APCDD1: variants seen among roughly 807,000 people sequenced by gnomAD.
APCDD1 encodes the protein protein APCDD1.
In APCDD1, 15 loss-of-function variants were observed where a neutral mutation model predicts 38.1. The ratio of observed to expected loss-of-function variants is 0.39; its 90% CI spans 0.26 to 0.61. The LOEUF (loss-of-function observed/expected upper bound fraction) is 0.61. APCDD1 is among the 20% of genes least tolerant of loss of function. The pLI, the probability that APCDD1 is intolerant of heterozygous loss-of-function variation, is 0.49. For missense variants in APCDD1, 647 were observed against 696.2 expected (o/e 0.93, Z 0.79); for synonymous variants, 261 against 279.7 (o/e 0.93, Z 0.67).
chr18:10,482,323 T>C (rs776242589), intron 3 of APCDD1, among the ~76,000 whole-genome samples: 1 of 151,936 alleles, frequency 6.6e-6, no homozygotes, highest in East Asian at 1.9e-4. Flanking sequence ...TTGTGGGGAA[T>C]GGCGCAGAGG....
At chr18:10,461,527 T>C (rs2030540601) in intron 1 of APCDD1, among the ~76,000 whole-genome samples, 1 of 152,286 alleles carries the variant, frequency 6.6e-6, no homozygotes, top group African/African-American at 2.4e-5. Flanking sequence ...ACATTCTCAA[T>C]CAAGAGTGCC....
chr18:10,463,271 T>C (rs970660021), intron 1 of APCDD1, among the ~76,000 whole-genome samples: 1 of 152,150 alleles, frequency 6.6e-6, no homozygotes. Flanking sequence ...TAGAGTCCTC[T>C]ACAACCCTAC....
At chr18:10,473,023 C>G (rs1009058852) in intron 3 of APCDD1, among the ~76,000 whole-genome samples, 2 of 152,260 alleles carry the variant, frequency 1.3e-5, no homozygotes, top group East Asian at 1.9e-4. Flanking sequence ...CCCGGCCGTC[C>G]CCATTGACTT....
At chr18:10,462,254 G>A (rs1184702825) in intron 1 of APCDD1, among the ~76,000 whole-genome samples, 3 of 152,074 alleles carry the variant, frequency 2.0e-5, no homozygotes, top group African/African-American at 4.8e-5. Context: ...TTATTAGTGC[G>A]GTCCTTGAAC....
In APCDD1 at chr18:10,485,665, C is replaced by T. The variant is rs2031234262; in HGVS notation, c.978C>T (p.Tyr326=). 6.2e-7 allele frequency: 1 copy of T among 1,614,104 alleles called. No individual in the cohort carries two copies. Among genetic ancestry groups the T allele is most frequent in the African/African-American group, 1.3e-5 (1 of 74,938 alleles). Residue 326 remains tyrosine (Y), a synonymous_variant, in exon 4 of 5, where the codon TAC becomes TAT. Transcript: ENST00000355285. The surrounding 1 kb of genome is among the most constrained non-coding windows in gnomAD (Gnocchi z 5.8). ...ACAACAACACCTGGGAGGGCCACTA[C>T]TACCACTACTCAGACCCGGTGTGCA... is the stretch of plus-strand genomic sequence containing the variant. ...HDNNNTWEGH[Y]YHYSDPVCKH...
intron 1 of APCDD1, among the ~76,000 whole-genome samples, chr18:10,463,499 T>A (rs1317174157): frequency 6.6e-6 from 1 of 152,242 alleles, no homozygotes; most frequent in Admixed American, 6.5e-5. Flanking sequence ...GGGCACACCA[T>A]GACTGATTCT....
rs780298994 is a variant in APCDD1 at position 10,460,821 on chromosome 18, A to T, written c.58+5782A>T. Among the ~76,000 whole-genome samples the T allele has an allele frequency of 3.7e-4, 56 of 152,162 alleles. 1 individual carries two copies. The highest frequency in any genetic ancestry group is 2.4e-4 in the Non-Finnish European group (16 of 68,034). On this transcript the variant is annotated intron_variant, in intron 1 of 4. Coordinates refer to ENST00000355285, the MANE Select transcript of APCDD1 (RefSeq NM_153000.5). ...TGCTTCCTTAGCACACCATGGGTTT[A>T]GGAATGAGATCTGCTGTGGATGGCT...
Position 10,472,197 on chromosome 18 carries a change from C to A in APCDD1, c.774+136C>A. On this transcript the variant is annotated intron_variant, in intron 3 of 4. Transcript: ENST00000355285. The surrounding 1 kb of genome is among the most constrained non-coding windows in gnomAD (Gnocchi z 6.6). Reference sequence around the variant, plus strand: ...GGCGGGGCAGGCCAAGGTGGGGCTGCTGCGAGGTGGGAGGAGATGGGAAAG... The same window carrying A: ...GGCGGGGCAGGCCAAGGTGGGGCTGATGCGAGGTGGGAGGAGATGGGAAAG... 7.9e-7 allele frequency: 1 copy of A among 1,266,952 alleles called. No homozygotes were observed. The highest frequency in any genetic ancestry group is 1.1e-6 in the Non-Finnish European group (1 of 893,438). 78.5% of individuals were successfully genotyped at this position (1,266,952 alleles called of 1,614,324 possible).
rs764361338 is a variant in APCDD1, at chr18:10,485,767, C to T, written c.1080C>T (p.Thr360=). 30 of 1,612,968 alleles carry T rather than the reference C, an allele frequency of 1.9e-5. No homozygotes were observed. Among genetic ancestry groups the T allele is most frequent in the East Asian group, 2.2e-5 (1 of 44,890 alleles). ...GVLSSRVMGG[T]EFVFKVNHMK... ...TCTCGTCCAGGGTCATGGGAGGCAC[C>T]GAGTTCGTGTTCAAAGGTAGGATTC... is the stretch of plus-strand genomic sequence containing the variant. Residue 360 remains threonine, a synonymous_variant, in exon 4 of 5, where the codon ACC becomes ACT. Transcript: ENST00000355285. The surrounding 1 kb of genome is among the most constrained non-coding windows in gnomAD (Gnocchi z 5.8).
In APCDD1 at chr18:10,454,711, G is replaced by A. The variant is rs2030318343; in HGVS notation, c.-271G>A. On this transcript the variant is annotated 5_prime_UTR_variant, in exon 1 of 5. Transcript: ENST00000355285. ...GCGCACGCGGCGGCCGGGGCGGGACGCGGGGCCGGGCGCGGAGAAGTCGGG... is the reference window on the plus strand; with the variant it reads ...GCGCACGCGGCGGCCGGGGCGGGACACGGGGCCGGGCGCGGAGAAGTCGGG... 1.0e-6 allele frequency: 1 copy of A among 983,284 alleles called. No individual in the cohort carries two copies. Among genetic ancestry groups the A allele is most frequent in the Non-Finnish European group, 1.2e-6 (1 of 829,588 alleles). 60.9% of individuals were successfully genotyped at this position (983,284 alleles called of 1,614,324 possible). A position where few individuals can be genotyped will look rare whatever the true frequency, so the allele number is the denominator to read the frequency against.
rs189788491 is a variant in APCDD1 at position 10,457,283 on chromosome 18, T to C, written c.58+2244T>C. ...AATGGGATATTCTTCCTTTCCCCTT[T>C]CCCCCATGACATCTACTTGATTGAA... On this transcript the variant is annotated intron_variant, in intron 1 of 4. Coordinates refer to ENST00000355285, the MANE Select transcript of APCDD1 (RefSeq NM_153000.5). 1.8e-3 allele frequency among the ~76,000 whole-genome samples: 270 copies of C among 152,272 alleles called. 1 individual carries two copies. The highest frequency in any genetic ancestry group is 3.0e-3 in the Non-Finnish European group (203 of 68,032).
chr18:10,466,152 C>G (rs2030709101), intron 1 of APCDD1, among the ~76,000 whole-genome samples: 1 of 152,214 alleles, frequency 6.6e-6, no homozygotes, highest in Non-Finnish European at 1.5e-5. Flanking sequence ...ACATCAAAAT[C>G]GATCATACTG....
chr18:10,468,754 G>A (rs1598396711), intron 2 of APCDD1, 102 bp downstream of exon 2: 1 of 1,267,880 alleles, frequency 7.9e-7, no homozygotes, highest in Non-Finnish European at 1.1e-6. Context: ...CATTTACAAT[G>A]ATTTAGGTGT....
chr18:10,466,157 A>G (rs1362272257), intron 1 of APCDD1, among the ~76,000 whole-genome samples: 1 of 152,224 alleles, frequency 6.6e-6, no homozygotes, highest in Non-Finnish European at 1.5e-5. Context: ...AAAATCGATC[A>G]TACTGTTGAC....
chr18:10,475,459 A>G lies in APCDD1; in HGVS notation c.774+3398A>G, dbSNP rs140242701. On this transcript the variant is annotated intron_variant, in intron 3 of 4. Transcript: ENST00000355285. This position sits in a 1 kb window ranked among gnomAD's most constrained non-coding sequence, Gnocchi z 4.0. ...GCGTGAATAATATGATACCATCTGCATAAAACTAATAATGAAAGGAGAAGA... is the reference window on the plus strand; with the variant it reads ...GCGTGAATAATATGATACCATCTGCGTAAAACTAATAATGAAAGGAGAAGA... Among the ~76,000 whole-genome samples, 11 of 152,356 alleles carry G rather than the reference A, an allele frequency of 7.2e-5. No homozygotes were observed. In the East Asian group the frequency reaches 2.1e-3, roughly 29 times the overall value.
intron 1 of APCDD1, among the ~76,000 whole-genome samples, chr18:10,456,681 T>G (rs1349967332): frequency 6.6e-6 from 1 of 152,220 alleles, no homozygotes; most frequent in Non-Finnish European, 1.5e-5. Context: ...GTTGTAATTA[T>G]ACTTCCTATT....
At position 10,469,205 on chromosome 18, in the gene APCDD1, C is replaced by T. The variant is rs1598396806; in HGVS notation, c.242+553C>T. 6.6e-6 allele frequency among the ~76,000 whole-genome samples: 1 copy of T among 152,136 alleles called. No individual in the cohort carries two copies. The highest frequency in any genetic ancestry group is 1.5e-5 in the Non-Finnish European group (1 of 68,018). On this transcript the variant is annotated intron_variant, in intron 2 of 4. Transcript: ENST00000355285. The surrounding 1 kb of genome is among the most constrained non-coding windows in gnomAD (Gnocchi z 5.5). ...AGAGCTTTTAAAAATAGCCGAGAGG[C>T]AGATCTGCGATTTTTTTTTTCTACC...
chr18:10,468,317 C>G, intron 1 of APCDD1, 152 bp from the exon 2 acceptor site: 1 of 838,628 alleles, frequency 1.2e-6, no homozygotes, highest in South Asian at 1.4e-5. Context: ...GAATGTGCAT[C>G]ATACACGAGA....
chr18:10,484,328 T>A (rs537655945), intron 3 of APCDD1, among the ~76,000 whole-genome samples: 1 of 152,366 alleles, frequency 6.6e-6, no homozygotes, highest in Admixed American at 6.5e-5. Flanking sequence ...ACCTTGCGTT[T>A]CCTACACAAC....
Sources: gnomAD v4.1 joint callset for allele counts (sites outside exome capture counted in the v4.1 genomes callset) on GRCh38, gnomAD v4.1.1 for gene constraint, Gnocchi (gnomAD v3.1) non-coding constraint, MANE v1.5 for transcripts, NCBI Gene and HGNC (gene_info 2026-07-23, HGNC 2026-07-21) for gene names.